Variants in BRINP1 observed in about 807,000 individuals in gnomAD.
The protein encoded by BRINP1 is BMP/retinoic acid-inducible neural-specific protein 1.
Under a neutral mutation model 72.9 loss-of-function variants are expected in BRINP1, and 17 were observed. That is an observed-to-expected ratio of 0.23 (90% CI 0.16 to 0.35). The LOEUF is 0.35. Ranked by LOEUF, BRINP1 falls within the 10% of genes least tolerant of loss-of-function variation. The pLI is 1.00. For missense variants in BRINP1, 850 were observed against 1,001.6 expected, an observed-to-expected ratio of 0.85 and a Z score of 2.04; for synonymous variants, 418 against 378.5, an observed-to-expected ratio of 1.10 and a Z score of -1.21.
intron 5 of BRINP1, among the ~76,000 whole-genome samples, chr9:119,234,243 T>A (rs1413516226): frequency 2.6e-5 from 4 of 152,216 alleles, no homozygotes; most frequent in African/African-American, 9.6e-5. Flanking sequence ...ATAAGCAATG[T>A]GCCTAAGTTC....
intron 1 of BRINP1, among the ~76,000 whole-genome samples, chr9:119,319,614 C>T (rs944731411): frequency 1.3e-5 from 2 of 152,182 alleles, no homozygotes; most frequent in Admixed American, 6.5e-5. Context: ...TATTGAGCAT[C>T]TACTATATGC....
chr9:119,193,103 T>A (rs1434804898), intron 7 of BRINP1, among the ~76,000 whole-genome samples: 2 of 152,180 alleles, frequency 1.3e-5, no homozygotes, highest in Non-Finnish European at 2.9e-5. Flanking sequence ...GCTATATTTT[T>A]AAAATCTGTA....
At chr9:119,317,986 T>A (rs1831143158) in intron 1 of BRINP1, among the ~76,000 whole-genome samples, 1 of 152,206 alleles carries the variant, frequency 6.6e-6, no homozygotes, top group South Asian at 2.1e-4. Context: ...GGCCAAAAAA[T>A]TGGGGTGATT....
At chr9:119,229,605 G>A (rs1830127892) in intron 5 of BRINP1, among the ~76,000 whole-genome samples, 1 of 152,108 alleles carries the variant, frequency 6.6e-6, no homozygotes, top group Non-Finnish European at 1.5e-5. Flanking sequence ...TCTCAGAAGA[G>A]GTGGCATTTG....
chr9:119,346,165 G>T (rs1831449562), intron 1 of BRINP1, among the ~76,000 whole-genome samples: 1 of 152,124 alleles, frequency 6.6e-6, no homozygotes, highest in African/African-American at 2.4e-5. Flanking sequence ...TTGATTGCCT[G>T]GAGACTCATT....
chr9:119,242,201 G>A lies in BRINP1; in HGVS notation c.425C>T (p.Thr142Ile). 1.2e-6 allele frequency: 2 copies of A among 1,614,018 alleles called. No homozygotes were observed. The highest frequency in any genetic ancestry group is 1.7e-6 in the Non-Finnish European group (2 of 1,179,970). ...GAGGCGACTTTTGTCCATATACATG[G>A]TCAAAGCCTCCTCCCCTGGATGGGA... ...SATLGGEEALTMYMDKSRLDR... is the reference protein window; with the variant it reads ...SATLGGEEALIMYMDKSRLDR... The change falls in exon 4 of 8, where the codon ACC (threonine) becomes ATC (isoleucine). Residue 142 changes from threonine (T) to isoleucine (I), a missense_variant. By Grantham distance (89) the Thr-to-Ile change is moderately conservative (BLOSUM62 -1). Coordinates refer to ENST00000265922, the MANE Select transcript of BRINP1 (RefSeq NM_014618.3).
chr9:119,252,890 G>A lies in BRINP1; in HGVS notation c.219-3740C>T, dbSNP rs183882371. Among the ~76,000 whole-genome samples, 11 of 152,232 alleles carry A rather than the reference G, an allele frequency of 7.2e-5. No homozygotes were observed. The South Asian group carries it at 8.3e-4, about 11-fold the overall frequency. On this transcript the variant is annotated intron_variant, in intron 2 of 7. Transcript: ENST00000265922. ...TGAAACAGCCATCACAGTCTTTGAC[G>A]TTCACCAGCGATAGACCAGGGCCTG... is the stretch of plus-strand genomic sequence containing the variant.
At chr9:119,300,090 T>C (rs1830925399) in intron 2 of BRINP1, among the ~76,000 whole-genome samples, 1 of 152,168 alleles carries the variant, frequency 6.6e-6, no homozygotes, top group Non-Finnish European at 1.5e-5. Flanking sequence ...AGCCTTCAAA[T>C]CTTCACAAGT....
intron 6 of BRINP1, among the ~76,000 whole-genome samples, chr9:119,211,802 G>C (rs1158455852): frequency 6.6e-6 from 1 of 152,228 alleles, no homozygotes; most frequent in African/African-American, 2.4e-5. Context: ...AGGAGATCTA[G>C]AGGGAGTGTA....
intron 7 of BRINP1, among the ~76,000 whole-genome samples, chr9:119,177,536 AG>A (rs1255389661): frequency 1.1e-4 from 17 of 152,150 alleles, no homozygotes; most frequent in Non-Finnish European, 2.4e-4. Flanking sequence ...TCCAAGTGAC[AG>A]GACAGTACCC....
chr9:119,190,941 C>G (rs1013330902), intron 7 of BRINP1, among the ~76,000 whole-genome samples: 1 of 151,490 alleles, frequency 6.6e-6, no homozygotes, highest in Non-Finnish European at 1.5e-5. Context: ...CACATCTAAA[C>G]CAAGTGGAAT....
chr9:119,252,465 T>C (rs925526712), intron 2 of BRINP1, among the ~76,000 whole-genome samples: 4 of 151,902 alleles, frequency 2.6e-5, no homozygotes, highest in African/African-American at 9.7e-5. Context: ...TTTATAAAAT[T>C]ATATATACAT....
At chr9:119,231,518 C>T (rs1441697990) in intron 5 of BRINP1, among the ~76,000 whole-genome samples, 1 of 152,092 alleles carries the variant, frequency 6.6e-6, no homozygotes, top group Non-Finnish European at 1.5e-5. Flanking sequence ...GTGCCATTTA[C>T]TATAATACTA....
intron 6 of BRINP1, among the ~76,000 whole-genome samples, chr9:119,213,352 CT>C (rs1395421249): frequency 2.0e-5 from 3 of 152,198 alleles, no homozygotes; most frequent in Non-Finnish European, 4.4e-5. Flanking sequence ...GCTTGGATGA[CT>C]GTCTTTCCAC....
At chr9:119,279,759 A>G (rs976450994) in intron 2 of BRINP1, among the ~76,000 whole-genome samples, 2 of 152,228 alleles carry the variant, frequency 1.3e-5, no homozygotes, top group African/African-American at 4.8e-5. Flanking sequence ...AAATGTTTGC[A>G]TGAAATATTG....
chr9:119,341,290 A>T lies in BRINP1; in HGVS notation c.-51+27766T>A, dbSNP rs1239823623. On this transcript the variant is annotated intron_variant, in intron 1 of 7. Coordinates refer to ENST00000265922, the MANE Select transcript of BRINP1 (RefSeq NM_014618.3). ...TGGAGACTCGATTTTTCATAACGTA[A>T]CTTTAACCCACATAATGAGAAAGAA... is the stretch of plus-strand genomic sequence containing the variant. Among the ~76,000 whole-genome samples the T allele has an allele frequency of 5.3e-5, 8 of 152,298 alleles. No homozygotes were observed. In the East Asian group the frequency reaches 1.5e-3, roughly 29 times the overall value.
chr9:119,365,648 T>C (rs1287206904), intron 1 of BRINP1, among the ~76,000 whole-genome samples: 3 of 152,140 alleles, frequency 2.0e-5, no homozygotes, highest in African/African-American at 7.2e-5. Context: ...ATCCATAACA[T>C]AAACTCTTGC....
chr9:119,362,127 T>G (rs1831641760), intron 1 of BRINP1, among the ~76,000 whole-genome samples: 1 of 151,028 alleles, frequency 6.6e-6, no homozygotes, highest in Admixed American at 6.6e-5. Context: ...TGCAACATTT[T>G]CATAAAGCCA....
rs561958019 is a variant in BRINP1 at position 119,167,112 on chromosome 9, G to C, written c.2258C>G (p.Ser753Trp). ...DLYNTEILKQ[S>W]DQMTAKLC ...GCAGAGTTTGGCTGTCATCTGGTCC[G>C]ACTGTTTGAGGATCTCCGTGTTGTA... is the stretch of plus-strand genomic sequence containing the variant. The change falls in exon 8 of 8, where the codon TCG (serine) becomes TGG (tryptophan). Residue 753 changes from serine (S) to tryptophan (W), a missense_variant. Physicochemically the swap from Ser to Trp is radical, Grantham distance 177. Coordinates refer to ENST00000265922, the MANE Select transcript of BRINP1 (RefSeq NM_014618.3). This position sits in a 1 kb window ranked among gnomAD's most constrained non-coding sequence, Gnocchi z 4.3. 6.2e-7 allele frequency: 1 copy of C among 1,610,114 alleles called. No individual in the cohort carries two copies. The highest frequency in any genetic ancestry group is 8.5e-7 in the Non-Finnish European group (1 of 1,177,320).
Sources: allele counts gnomAD v4.1 joint callset (sites outside exome capture counted in the v4.1 genomes callset), GRCh38; gene constraint gnomAD v4.1.1; non-coding constraint Gnocchi (gnomAD v3.1); transcripts MANE v1.5; gene names NCBI Gene and HGNC (gene_info 2026-07-23, HGNC 2026-07-21).